ACACB: variants seen among roughly 807,000 people sequenced by gnomAD.
ACACB encodes the protein acetyl-CoA carboxylase beta.
ACACB carries 209 observed loss-of-function variants against 278.8 expected under a neutral mutation model. The observed-to-expected ratio is 0.75, with a 90% CI of 0.67 to 0.84. The LOEUF is 0.84. ACACB is among the 40% of genes least tolerant of loss of function. The pLI is 0.00. For missense variants in ACACB, 2,850 were observed against 3,269.0 expected (o/e 0.87, Z 3.13); for synonymous variants, 1,174 against 1,285.6 (o/e 0.91, Z 1.86).
At chr12:109,235,476 A>G in intron 32 of ACACB, 107 bp downstream of exon 32, 1 of 1,430,628 alleles carries the variant, frequency 7.0e-7, no homozygotes, top group Non-Finnish European at 9.8e-7. Context: ...GATCATTAGA[A>G]AGGAGAAGGA....
chr12:109,213,647 T>G (rs1169742732), intron 22 of ACACB, among the ~76,000 whole-genome samples: 1 of 151,720 alleles, frequency 6.6e-6, no homozygotes, highest in African/African-American at 2.4e-5. Context: ...CAGGCTGGAG[T>G]GTAATGGTTC....
rs774412819 is a variant in ACACB, at chr12:109,260,036, G to A, written c.6497-444G>A. 6 of 1,340,768 alleles carry A rather than the reference G, an allele frequency of 4.5e-6. No individual in the cohort carries two copies. The East Asian group carries it at 2.3e-4, about 51-fold the overall frequency. 83.1% of individuals were successfully genotyped at this position (1,340,768 alleles called of 1,614,324 possible). ...GACATGCAGTGTGATTGTCAGTGCTGTTATTATTGCATTCTTGTTTTCATG... is the reference window on the plus strand; with the variant it reads ...GACATGCAGTGTGATTGTCAGTGCTATTATTATTGCATTCTTGTTTTCATG... On this transcript the variant is annotated intron_variant, in intron 47 of 52. Coordinates refer to ENST00000338432, the MANE Select transcript of ACACB (RefSeq NM_001093.4).
At chr12:109,258,014 G>A (rs1341679270) in intron 45 of ACACB, among the ~76,000 whole-genome samples, 2 of 152,328 alleles carry the variant, frequency 1.3e-5, no homozygotes, top group African/African-American at 4.8e-5. Context: ...GAAAGTTCTA[G>A]TGGTTCATGC....
At chr12:109,195,903 G>C (rs945307973) in intron 16 of ACACB, among the ~76,000 whole-genome samples, 3 of 152,116 alleles carry the variant, frequency 2.0e-5, no homozygotes, top group Non-Finnish European at 4.4e-5. Flanking sequence ...ATTTCATTTT[G>C]ATCAGTTTAA....
chr12:109,185,679 A>T lies in ACACB; in HGVS notation c.1919A>T (p.Asn640Ile), dbSNP rs750352442. 1.9e-6 allele frequency: 3 copies of T among 1,611,548 alleles called. No homozygotes were observed. The highest frequency in any genetic ancestry group is 2.5e-6 in the Non-Finnish European group (3 of 1,179,138). Residue 640 changes from asparagine to isoleucine, a missense_variant, in exon 12 of 53, where the codon AAC becomes ATC. Physicochemically the swap from Asn to Ile is moderately radical, Grantham distance 149. Around this residue, in one of 3 missense-constraint regions of ACACB, gnomAD observed 2,265 missense variants for 2,561.3 expected, o/e 0.88. Coordinates refer to ENST00000338432, the MANE Select transcript of ACACB (RefSeq NM_001093.4). ...CCCATTTCTTTTGAAACCCCCTCAA[A>T]CCCTCCCCTCGCCCGAGGCCACGTC... ...VTPISFETPS[N>I]PPLARGHVIA...
Position 109,266,226 on chromosome 12 carries a change from T to C in ACACB, c.7251-10T>C. 1.2e-6 allele frequency: 2 copies of C among 1,609,532 alleles called. No homozygotes were observed. The highest frequency in any genetic ancestry group is 1.7e-6 in the Non-Finnish European group (2 of 1,178,156). ...GAGTGATCCCAGCCCTCCTCTCACC[T>C]CCCCCACAGCCTGGTTGAAGAAAAC... On this transcript the variant is annotated splice_polypyrimidine_tract_variant and intron_variant, in intron 52 of 52. Transcript: ENST00000338432.
chr12:109,226,699 CAAAAAAAAAA>C (rs531983826), intron 27 of ACACB, among the ~76,000 whole-genome samples: 3 of 74,210 alleles, frequency 4.0e-5, no homozygotes, highest in African/African-American at 9.3e-5. Flanking sequence ...AACTCCATCT[CAAAAAAAAAA>C]AAAAAAAAAA....
intron 24 of ACACB, 119 bp downstream of exon 24, chr12:109,217,039 T>C: frequency 7.4e-7 from 1 of 1,343,606 alleles, no homozygotes; most frequent in South Asian, 1.5e-5. Flanking sequence ...CCCATCACTT[T>C]GGGAGGCTGA....
intron 1 of ACACB, among the ~76,000 whole-genome samples, chr12:109,133,836 C>CAT (rs71443838): frequency 0.015 from 678 of 44,278 alleles, 12 homozygotes; most frequent in Middle Eastern, 0.03. Context: ...AATGTGTGTG[C>CAT]ATATATATAT....
chr12:109,207,964 G>A (rs767241879), intron 20 of ACACB, among the ~76,000 whole-genome samples: 16 of 152,120 alleles, frequency 1.1e-4, no homozygotes, highest in Admixed American at 3.9e-4. Context: ...ACAGGCGTGA[G>A]CCACCGTGCC....
intron 7 of ACACB, among the ~76,000 whole-genome samples, chr12:109,174,917 C>T (rs1295235407): frequency 6.6e-6 from 1 of 151,812 alleles, no homozygotes; most frequent in Non-Finnish European, 1.5e-5. Context: ...CTTTTTTTTT[C>T]CTCACTAATG....
At chr12:109,200,031 C>CAAA (rs796623006) in intron 18 of ACACB, among the ~76,000 whole-genome samples, 6 of 61,444 alleles carry the variant, frequency 9.8e-5, no homozygotes, top group Non-Finnish European at 1.4e-4. Flanking sequence ...GACTCCGTCT[C>CAAA]AAAAAAAAAA....
chr12:109,116,208 C>G (rs2042401125), upstream of ACACB, among the ~76,000 whole-genome samples: 1 of 152,156 alleles, frequency 6.6e-6, no homozygotes, highest in Non-Finnish European at 1.5e-5. Context: ...GGGAGAGAAG[C>G]CAGGTGACCT....
rs527452596 is a variant in ACACB, at chr12:109,118,206, T to G, written c.-10+1502T>G. Among the ~76,000 whole-genome samples the G allele has an allele frequency of 6.6e-4, 101 of 152,332 alleles. 2 individuals carry two copies. The South Asian group carries it at 0.02, about 31-fold the overall frequency. The stretch of plus-strand genomic sequence containing the variant: ...TGAAAATATCTCTAATCTGTAACTT[T>G]CTTTCAGAAGCTCTTAAGAGTTTTA... On this transcript the variant is annotated intron_variant, in intron 1 of 52. Coordinates refer to ENST00000338432, the MANE Select transcript of ACACB (RefSeq NM_001093.4).
intron 27 of ACACB, 89 bp downstream of exon 27, chr12:109,223,993 C>A: frequency 1.8e-6 from 2 of 1,092,396 alleles, no homozygotes; most frequent in Non-Finnish European, 2.8e-6. Flanking sequence ...AGGCCACATG[C>A]CTTGGTGAAT....
chr12:109,222,137 C>T (rs2046185692), intron 24 of ACACB, among the ~76,000 whole-genome samples: 1 of 152,082 alleles, frequency 6.6e-6, no homozygotes, highest in African/African-American at 2.4e-5. Flanking sequence ...AAGCGATCCT[C>T]CTGCCTCAGC....
intron 2 of ACACB, among the ~76,000 whole-genome samples, chr12:109,162,135 C>G (rs1399839703): frequency 6.6e-6 from 1 of 152,088 alleles, no homozygotes; most frequent in Non-Finnish European, 1.5e-5. Context: ...CGCCACCATG[C>G]CCAGCTACTT....
intron 2 of ACACB, among the ~76,000 whole-genome samples, chr12:109,155,213 GC>G (rs1056569908): frequency 6.6e-6 from 1 of 152,176 alleles, no homozygotes; most frequent in African/African-American, 2.4e-5. Flanking sequence ...CTAAAGATCA[GC>G]CCTTGCGCAG....
chr12:109,161,245 A>G (rs957572285), intron 2 of ACACB, among the ~76,000 whole-genome samples: 51 of 152,152 alleles, frequency 3.4e-4, no homozygotes, highest in African/African-American at 1.2e-3. Flanking sequence ...GAAAACAATA[A>G]ATAAAATTAG....
Sources: gnomAD v4.1 joint callset for allele counts (sites outside exome capture counted in the v4.1 genomes callset) on GRCh38, gnomAD v4.1.1 for gene constraint, gnomAD v4.1.1 regional missense constraint, MANE v1.5 for transcripts, NCBI Gene and HGNC (gene_info 2026-07-23, HGNC 2026-07-21) for gene names.